Variants in CALCOCO2 observed in about 807,000 individuals in gnomAD.
CALCOCO2 encodes the protein calcium binding and coiled-coil domain 2.
A neutral mutation model predicts 62.5 loss-of-function variants in CALCOCO2; 42 were observed. The ratio of observed to expected loss-of-function variants is 0.67; its 90% CI spans 0.53 to 0.87. The LOEUF (loss-of-function observed/expected upper bound fraction) is 0.87. CALCOCO2 is among the 40% of genes least tolerant of loss of function. CALCOCO2 has a pLI of 0.00. For synonymous variants in CALCOCO2, 167 were observed against 173.0 expected (o/e 0.97, Z 0.27); for missense variants, 456 against 515.0 (o/e 0.89, Z 1.11).
intron 5 of CALCOCO2, among the ~76,000 whole-genome samples, chr17:48,850,228 GGC>G (rs2040108408): frequency 6.6e-6 from 1 of 152,136 alleles, no homozygotes; most frequent in African/African-American, 2.4e-5. Context: ...GAACCTGGGA[GGC>G]AGAGGTTGCA....
intron 10 of CALCOCO2, 115 bp downstream of exon 10, chr17:48,856,302 G>T: frequency 1.7e-6 from 1 of 596,004 alleles, no homozygotes; most frequent in Non-Finnish European, 3.0e-6. Context: ...GACAGTGGGT[G>T]AAACAGTTGT....
chr17:48,848,860 T>C (rs2040088331), intron 4 of CALCOCO2: 1 of 477,832 alleles, frequency 2.1e-6, no homozygotes, highest in Non-Finnish European at 4.1e-6. Context: ...TACTTCATCA[T>C]TTAACAGGAC....
intron 1 of CALCOCO2, among the ~76,000 whole-genome samples, chr17:48,836,677 C>T (rs2039895527): frequency 6.6e-6 from 1 of 151,450 alleles, no homozygotes; most frequent in Non-Finnish European, 1.5e-5. Flanking sequence ...AGGGAGGTTT[C>T]TCAGCTTGCA....
chr17:48,853,975 T>A (rs1446346163), intron 9 of CALCOCO2, among the ~76,000 whole-genome samples: 3 of 152,122 alleles, frequency 2.0e-5, no homozygotes, highest in Non-Finnish European at 4.4e-5. Flanking sequence ...ATAGGCACAT[T>A]CCAGTTTGTG....
At chr17:48,849,474 C>A in intron 5 of CALCOCO2, 97 bp downstream of exon 5, 1 of 964,372 alleles carries the variant, frequency 1.0e-6, no homozygotes, top group Non-Finnish European at 1.6e-6. Context: ...TGTGATCTCA[C>A]CTTCTTATAC....
chr17:48,858,405 C>T (rs1244502962), intron 10 of CALCOCO2, among the ~76,000 whole-genome samples: 2 of 152,082 alleles, frequency 1.3e-5, no homozygotes, highest in Non-Finnish European at 2.9e-5. Context: ...TCTTGGCTCA[C>T]TGCAACCTCC....
chr17:48,849,383 G>C lies in CALCOCO2; in HGVS notation c.543+6G>C. 6.2e-7 allele frequency: 1 copy of C among 1,612,214 alleles called. No individual in the cohort carries two copies. Among genetic ancestry groups the C allele is most frequent in the Non-Finnish European group, 8.5e-7 (1 of 1,179,222 alleles). On this transcript the variant is annotated splice_donor_region_variant and intron_variant, in intron 5 of 12. Transcript: ENST00000258947. Reference sequence around the variant, plus strand: ...CTGAGCTCCAAAAGAAGCAGGTATGGCTGCTGGTTATAGGTGACCTTGGAG... The same window carrying C: ...CTGAGCTCCAAAAGAAGCAGGTATGCCTGCTGGTTATAGGTGACCTTGGAG...
At chr17:48,832,224 T>C (rs965499293) in intron 1 of CALCOCO2, among the ~76,000 whole-genome samples, 1 of 152,172 alleles carries the variant, frequency 6.6e-6, no homozygotes, top group Non-Finnish European at 1.5e-5. Flanking sequence ...CAAAACGCTG[T>C]CTTTACTAAA....
At position 48,863,043 on chromosome 17, in the gene CALCOCO2, G is replaced by A. The variant is rs770204009; in HGVS notation, c.*38G>A. On this transcript the variant is annotated 3_prime_UTR_variant, in exon 13 of 13. Transcript: ENST00000258947. ...CTTGGATGTATACAGAGATTTTATA[G>A]AATAGAACCTATAGCTTCTACCATG... The A allele has an allele frequency of 2.2e-5, 32 of 1,440,116 alleles. No homozygotes were observed. The African/African-American group carries it at 3.6e-4, about 16-fold the overall frequency. 89.2% of individuals were successfully genotyped at this position (1,440,116 alleles called of 1,614,324 possible). A position where few individuals can be genotyped will look rare whatever the true frequency, so the allele number is the denominator to read the frequency against.
Position 48,862,856 on chromosome 17 carries a change from C to T in CALCOCO2, c.1192C>T (p.Pro398Ser), listed in dbSNP as rs746842416. 1 of 1,613,886 alleles carries T rather than the reference C, an allele frequency of 6.2e-7. No homozygotes were observed. The highest frequency in any genetic ancestry group is 1.3e-5 in the African/African-American group (1 of 74,920). The part of the protein sequence containing the change: ...SPSPLSIKKC[P>S]ICKADDICDH... ...CTCCCAGCTCTCCATCAAGAAATGC[C>T]CTATCTGCAAAGCAGATGATATTTG... Residue 398 changes from proline to serine, a missense_variant, in exon 13 of 13, where the codon CCT (proline) becomes TCT (serine). Physicochemically the swap from Pro to Ser is moderately conservative, Grantham distance 74. Coordinates refer to ENST00000258947, the MANE Select transcript of CALCOCO2 (RefSeq NM_005831.5).
In CALCOCO2 at chr17:48,848,364, A is replaced by G; in HGVS notation, c.326A>G (p.Tyr109Cys). The G allele has an allele frequency of 2.5e-6, 4 of 1,613,216 alleles. No individual in the cohort carries two copies. The highest frequency in any genetic ancestry group is 3.4e-6 in the Non-Finnish European group (4 of 1,179,138). The stretch of plus-strand genomic sequence containing the variant: ...GATGATGAGTATTACCAGTTCTGCT[A>G]TGTGGATGAGGATGGTGTGGTCCGG... The part of the protein sequence containing the change: ...PKDDEYYQFC[Y>C]VDEDGVVRGA... Residue 109 changes from tyrosine (Y) to cysteine (C), a missense_variant, in exon 4 of 13, where the codon TAT becomes TGT. By Grantham distance (194) the Tyr-to-Cys change is radical (BLOSUM62 -2). Around this residue, in one of 3 missense-constraint regions of CALCOCO2, gnomAD observed 236 missense variants for 225.3 expected, o/e 1.05. Transcript: ENST00000258947.
intron 1 of CALCOCO2, among the ~76,000 whole-genome samples, chr17:48,835,773 G>A (rs1015343974): frequency 3.3e-5 from 5 of 149,778 alleles, no homozygotes; most frequent in African/African-American, 5.0e-5. Flanking sequence ...TTGAGACAGA[G>A]TTTTTTGCTC....
At position 48,848,471 on chromosome 17, in the gene CALCOCO2, C is replaced by T. The variant is rs1277467542; in HGVS notation, c.417+16C>T. On this transcript the variant is annotated intron_variant, in intron 4 of 12. Coordinates refer to ENST00000258947, the MANE Select transcript of CALCOCO2 (RefSeq NM_005831.5). Reference sequence around the variant, plus strand: ...TACCACTCAGGTTTGTAAAACTTCTCACCTCAATCCCTTACTGCCATTACG... The same window carrying T: ...TACCACTCAGGTTTGTAAAACTTCTTACCTCAATCCCTTACTGCCATTACG... 2.5e-6 allele frequency: 4 copies of T among 1,610,550 alleles called. No individual in the cohort carries two copies. The highest frequency in any genetic ancestry group is 1.3e-5 in the African/African-American group (1 of 74,816).
rs142936561 is a variant in CALCOCO2 at position 48,863,107 on chromosome 17, T to C, written c.*102T>C. 724 of 906,942 alleles carry C rather than the reference T, an allele frequency of 8.0e-4. 4 individuals are homozygous for C. In the African/African-American group the frequency reaches 0.011, roughly 14 times the overall value. 56.2% of individuals were successfully genotyped at this position (906,942 alleles called of 1,614,324 possible). A position where few individuals can be genotyped will look rare whatever the true frequency, so the allele number is the denominator to read the frequency against. On this transcript the variant is annotated 3_prime_UTR_variant, in exon 13 of 13. Transcript: ENST00000258947. ...AAGATCCTGCCTAACCTGAAATTATTAGGGATTTACTCAGCCCTGCTGCCG... is the reference window on the plus strand; with the variant it reads ...AAGATCCTGCCTAACCTGAAATTATCAGGGATTTACTCAGCCCTGCTGCCG...
At chr17:48,851,371 T>C (rs1230312034) in intron 6 of CALCOCO2, 188 bp from the exon 7 acceptor site, 2 of 622,716 alleles carry the variant, frequency 3.2e-6, no homozygotes, top group South Asian at 1.9e-5. Context: ...ATTTCAAATA[T>C]TAACTTTAGG....
At chr17:48,849,478 CT>C in intron 5 of CALCOCO2, 101 bp downstream of exon 5, 1 of 947,676 alleles carries the variant, frequency 1.1e-6, no homozygotes, top group Non-Finnish European at 1.6e-6. Context: ...ATCTCACCTT[CT>C]TATACCAGTA....
intron 10 of CALCOCO2, 136 bp from the exon 11 acceptor site, chr17:48,860,178 T>A: frequency 1.6e-6 from 1 of 642,184 alleles, no homozygotes; most frequent in Non-Finnish European, 2.8e-6. Flanking sequence ...TGAAGAATTA[T>A]GGATTATCAA....
chr17:48,843,189 C>T (rs960335850), intron 2 of CALCOCO2, among the ~76,000 whole-genome samples: 2 of 152,084 alleles, frequency 1.3e-5, no homozygotes, highest in African/African-American at 2.4e-5. Context: ...CTGATCACCC[C>T]GTCAGTTCAA....
intron 3 of CALCOCO2, 75 bp from the exon 4 acceptor site, chr17:48,848,247 A>G (rs903505644): frequency 7.2e-5 from 110 of 1,537,432 alleles, no homozygotes; most frequent in Non-Finnish European, 9.6e-5. Context: ...TTTCTGGGGC[A>G]GATAAAAAGA....
Sources: allele counts gnomAD v4.1 joint callset (sites outside exome capture counted in the v4.1 genomes callset), GRCh38; gene constraint gnomAD v4.1.1; regional missense constraint gnomAD v4.1.1; transcripts MANE v1.5; gene names NCBI Gene and HGNC (gene_info 2026-07-23, HGNC 2026-07-21).